Variants in GSG1L observed in about 807,000 individuals in gnomAD.
The protein encoded by GSG1L is germ cell-specific gene 1-like protein.
Under a neutral mutation model 42.1 loss-of-function variants are expected in GSG1L, and 24 were observed. The observed-to-expected ratio is 0.57, with a 90% CI of 0.41 to 0.80. The LOEUF (loss-of-function observed/expected upper bound fraction) is 0.80, where lower values mean the gene tolerates loss of function less well. Among genes scored for constraint, GSG1L ranks in the 30% least tolerant of loss-of-function variants. GSG1L has a pLI of 0.00. For synonymous variants in GSG1L, 215 were observed against 203.5 expected, an observed-to-expected ratio of 1.06 and a Z score of -0.48; for missense variants, 445 against 472.2, an observed-to-expected ratio of 0.94 and a Z score of 0.53.
intron 1 of GSG1L, among the ~76,000 whole-genome samples, chr16:28,013,834 C>G (rs528789045): frequency 6.6e-6 from 1 of 152,386 alleles, no homozygotes; most frequent in African/African-American, 2.4e-5. Context: ...CCATGCAAAG[C>G]TCTTGCCAAT....
chr16:27,830,159 A>G (rs1238406703), intron 4 of GSG1L, among the ~76,000 whole-genome samples: 2 of 152,180 alleles, frequency 1.3e-5, no homozygotes, highest in Non-Finnish European at 2.9e-5. Flanking sequence ...TTCAACGTTT[A>G]GTACCAGGAG....
intron 2 of GSG1L, among the ~76,000 whole-genome samples, chr16:27,959,573 AG>A (rs2085045531): frequency 6.6e-6 from 1 of 151,538 alleles, no homozygotes; most frequent in Non-Finnish European, 1.5e-5. Context: ...AAAGGGCAGA[AG>A]GGCAAAAGGG....
chr16:27,878,966 G>T lies in GSG1L; in HGVS notation c.550+5520C>A, dbSNP rs925336374. 4.6e-5 allele frequency among the ~76,000 whole-genome samples: 7 copies of T among 152,168 alleles called. 1 individual carries two copies. The highest frequency in any genetic ancestry group is 1.0e-4 in the Non-Finnish European group (7 of 68,032). ...GTTCTGGCTAAATTGACTCAACAGG[G>T]TTTTGCTGGAGGCAGGCCAGGGTGA... is the stretch of plus-strand genomic sequence containing the variant. On this transcript the variant is annotated intron_variant, in intron 3 of 6. Transcript: ENST00000447459.
chr16:28,041,861 G>T (rs1041943218), intron 1 of GSG1L, among the ~76,000 whole-genome samples: 1 of 152,198 alleles, frequency 6.6e-6, no homozygotes, highest in Non-Finnish European at 1.5e-5. Context: ...CCCTCGCTGG[G>T]CATCGCAGAT....
intron 2 of GSG1L, among the ~76,000 whole-genome samples, chr16:27,905,675 G>A (rs975549139): frequency 6.6e-6 from 1 of 151,998 alleles, no homozygotes; most frequent in African/African-American, 2.4e-5. Context: ...ATCTGCAATG[G>A]TACATGAAGG....
chr16:27,884,719 G>T lies in GSG1L; in HGVS notation c.398-81C>A. 7.4e-7 allele frequency: 1 copy of T among 1,343,876 alleles called. No homozygotes were observed. The highest frequency in any genetic ancestry group is 1.0e-6 in the Non-Finnish European group (1 of 982,790). 83.2% of individuals were successfully genotyped at this position (1,343,876 alleles called of 1,614,324 possible). ...CCCTGTGCCTATTCCTCCCACAACA[G>T]CAGAGGGTAGCAAGTCATTCTAGAA... On this transcript the variant is annotated intron_variant, in intron 2 of 6. Transcript: ENST00000447459. The surrounding 1 kb of genome is among the most constrained non-coding windows in gnomAD (Gnocchi z 4.4).
intron 2 of GSG1L, among the ~76,000 whole-genome samples, chr16:27,926,434 C>T (rs1450848769): frequency 1.3e-5 from 2 of 151,778 alleles, no homozygotes; most frequent in Non-Finnish European, 2.9e-5. Flanking sequence ...CCTGGGAGGC[C>T]GGTGCTGGTG....
intron 1 of GSG1L, among the ~76,000 whole-genome samples, chr16:28,053,712 T>A (rs933553846): frequency 6.6e-6 from 1 of 152,132 alleles, no homozygotes; most frequent in Non-Finnish European, 1.5e-5. Context: ...TCCCTGTGTG[T>A]GAGTGCACGT....
At chr16:27,931,602 C>T (rs756664928) in intron 2 of GSG1L, among the ~76,000 whole-genome samples, 39 of 152,224 alleles carry the variant, frequency 2.6e-4, no homozygotes, top group Non-Finnish European at 4.8e-4. Context: ...GATATGGGAA[C>T]TTTAAGCAGT....
intron 4 of GSG1L, among the ~76,000 whole-genome samples, chr16:27,829,675 G>C (rs141959962): frequency 1.2e-3 from 175 of 152,164 alleles, no homozygotes; most frequent in Non-Finnish European, 1.9e-3. Flanking sequence ...GCCTCCCAAA[G>C]TACTGGGATT....
intron 2 of GSG1L, among the ~76,000 whole-genome samples, chr16:27,915,822 TCAGGTAGCGGCAGCCACAG>T (rs879400650): frequency 8.5e-5 from 13 of 152,146 alleles, no homozygotes; most frequent in Non-Finnish European, 1.6e-4. Flanking sequence ...TAGGATCATG[TCAGGTAGCGGCAGCCACAG>T]CAGAGAGGTT....
In GSG1L at chr16:27,807,580, A is replaced by T. The variant is rs533846776; in HGVS notation, c.831-26T>A. ...CTGGAAAGAAAAAAAAACAAAAACA[A>T]AATCCTAGGTAGGAAAGAGAAGGAT... On this transcript the variant is annotated intron_variant, in intron 5 of 6. Coordinates refer to ENST00000447459, the MANE Select transcript of GSG1L (RefSeq NM_001109763.2). The T allele has an allele frequency of 1.9e-6, 3 of 1,598,036 alleles. No homozygotes were observed. In the East Asian group the frequency reaches 6.7e-5, roughly 36 times the overall value.
intron 2 of GSG1L, among the ~76,000 whole-genome samples, chr16:27,911,118 C>T (rs1168225735): frequency 6.6e-6 from 1 of 152,224 alleles, no homozygotes; most frequent in East Asian, 1.9e-4. Flanking sequence ...CTGCCCACTT[C>T]CTCCCTAGCA....
intron 3 of GSG1L, among the ~76,000 whole-genome samples, chr16:27,869,704 TTTCTCTCTCC>T (rs2083783442): frequency 7.6e-6 from 1 of 131,388 alleles, no homozygotes; most frequent in Non-Finnish European, 1.6e-5. Context: ...TCTCCCTCCA[TTTCTCTCTCC>T]TTCTCTCTCT....
chr16:28,007,220 G>A (rs1286063172), intron 1 of GSG1L, among the ~76,000 whole-genome samples: 1 of 152,156 alleles, frequency 6.6e-6, no homozygotes, highest in African/African-American at 2.4e-5. Context: ...AGGTGGGTCC[G>A]AAGTAATCAC....
Position 27,789,067 on chromosome 16 carries a change from T to C in GSG1L, c.*2303A>G, listed in dbSNP as rs2082722279. 6.6e-6 allele frequency: 1 copy of C among 152,066 alleles called. No homozygotes were observed. The highest frequency in any genetic ancestry group is 2.4e-5 in the African/African-American group (1 of 41,384). The allele number at this position is 152,066 out of a possible 1,614,324, so 9.4% of individuals were successfully genotyped here. A position where few individuals can be genotyped will look rare whatever the true frequency, so the allele number is the denominator to read the frequency against. On this transcript the variant is annotated 3_prime_UTR_variant, in exon 7 of 7. Transcript: ENST00000447459. ...TTGAGTAATGAGGATGTGTGACACA[T>C]GGAAGGAGGATGGATGGAAGTCTGA...
chr16:28,062,445 G>C (rs1433840925), intron 1 of GSG1L, among the ~76,000 whole-genome samples: 3 of 152,216 alleles, frequency 2.0e-5, no homozygotes, highest in Admixed American at 6.5e-5. Context: ...TCCCAGGAGG[G>C]GGCCAGGATA....
rs75615928 is a variant in GSG1L, at chr16:27,933,542, A to C, written c.397+29614T>G. Among the ~76,000 whole-genome samples, 530 of 150,902 alleles carry C rather than the reference A, an allele frequency of 3.5e-3. 7 individuals carry two copies. The highest frequency in any genetic ancestry group is 0.012 in the African/African-American group (512 of 41,104). ...CTCATGTCTGTATTCTCCACTACTC[A>C]GGAGGCTAAGGCAGGAGGATTGCTT... On this transcript the variant is annotated intron_variant, in intron 2 of 6. Transcript: ENST00000447459.
chr16:27,850,424 C>G (rs1003526417), intron 3 of GSG1L: 2 of 438,804 alleles, frequency 4.6e-6, no homozygotes, highest in African/African-American at 2.0e-5. Context: ...GACTTAAATG[C>G]GTGAATCATC....
Sources: allele counts gnomAD v4.1 joint callset (sites outside exome capture counted in the v4.1 genomes callset), GRCh38; gene constraint gnomAD v4.1.1; non-coding constraint Gnocchi (gnomAD v3.1); transcripts MANE v1.5; gene names NCBI Gene and HGNC (gene_info 2026-07-23, HGNC 2026-07-21).